The following CYP51A1 variants were observed in gnomAD, a reference collection of about 807,000 sequenced individuals.
CYP51A1 encodes the protein cytochrome P450 family 51 subfamily A member 1, also known as lanosterol 14-alpha demethylase.
In CYP51A1, 45 loss-of-function variants were observed where a neutral mutation model predicts 53.5. The ratio of observed to expected loss-of-function variants is 0.84; its 90% CI spans 0.66 to 1.08. CYP51A1 has a LOEUF of 1.08. Ranked by LOEUF, CYP51A1 falls within the 50% of genes least tolerant of loss-of-function variation. The pLI is 0.00. For synonymous variants in CYP51A1, 181 were observed against 217.7 expected (o/e 0.83, Z 1.48); for missense variants, 462 against 621.7 (o/e 0.74, Z 2.73).
intron 9 of CYP51A1, among the ~76,000 whole-genome samples, chr7:92,115,061 G>A (rs1354395216): frequency 6.6e-6 from 1 of 152,176 alleles, no homozygotes; most frequent in Non-Finnish European, 1.5e-5. Flanking sequence ...CAAGCAAGAA[G>A]TATCCTAATT....
At chr7:92,128,040 G>A (rs932084331) in intron 3 of CYP51A1, among the ~76,000 whole-genome samples, 20 of 152,276 alleles carry the variant, frequency 1.3e-4, no homozygotes, top group Admixed American at 8.5e-4. Context: ...AAACAATTTC[G>A]TATTTGGCTT....
Position 92,113,667 on chromosome 7 carries a change from A to T in CYP51A1, c.1528T>A (p.Ter510ArgextTer30). ...ATATTCGTTCCTTGCAACCTTTTTC[A>T]TTTTGATCTTCGTTTGTAACGGATA... ...PVIRYKRRSK[*>R] Residue 510 changes from the stop codon to arginine (R), a stop_lost, in exon 10 of 10, where the codon TGA becomes AGA. Transcript: ENST00000003100. The T allele has an allele frequency of 6.2e-7, 1 of 1,610,916 alleles. No individual in the cohort carries two copies.
chr7:92,120,499 G>A (rs1329547023), intron 7 of CYP51A1, among the ~76,000 whole-genome samples: 1 of 152,144 alleles, frequency 6.6e-6, no homozygotes, highest in Non-Finnish European at 1.5e-5. Flanking sequence ...TGTTGCCCAG[G>A]CTGGACCCCA....
chr7:92,128,464 G>C (rs555422123), intron 3 of CYP51A1, among the ~76,000 whole-genome samples: 1 of 111,602 alleles, frequency 9.0e-6, no homozygotes, highest in African/African-American at 3.5e-5. Context: ...GTGCGCGTGC[G>C]TGTGTGTGTG....
At chr7:92,115,918 C>T (rs749818626) in intron 9 of CYP51A1, among the ~76,000 whole-genome samples, 9 of 152,302 alleles carry the variant, frequency 5.9e-5, no homozygotes, top group Middle Eastern at 3.4e-3. Context: ...AGTTTAGAAA[C>T]GATTCCTCTT....
At chr7:92,121,262 T>A (rs1431643218) in intron 7 of CYP51A1, among the ~76,000 whole-genome samples, 1 of 149,248 alleles carries the variant, frequency 6.7e-6, no homozygotes, top group Non-Finnish European at 1.5e-5. Flanking sequence ...AGCCTGGGCA[T>A]CACACCAAGA....
intron 8 of CYP51A1, among the ~76,000 whole-genome samples, chr7:92,117,795 C>G (rs1275890974): frequency 6.6e-6 from 1 of 152,054 alleles, no homozygotes; most frequent in Admixed American, 6.6e-5. Flanking sequence ...CGAGATCAGC[C>G]TGACCAACAT....
intron 2 of CYP51A1, among the ~76,000 whole-genome samples, chr7:92,129,301 G>A (rs1030582085): frequency 6.6e-6 from 1 of 151,892 alleles, no homozygotes; most frequent in African/African-American, 2.4e-5. Context: ...TATTGACAAT[G>A]TTTTCTATTG....
Position 92,131,767 on chromosome 7 carries a change from G to T in CYP51A1, c.291+7C>A. ...TTTTTTTTCCTCTAATTATTTGGAA[G>T]ACTTACCTTCTCATATGCATTTTCT... On this transcript the variant is annotated splice_region_variant and intron_variant, in intron 2 of 9. Transcript: ENST00000003100. The T allele has an allele frequency of 7.0e-6, 9 of 1,283,026 alleles. No homozygotes were observed. The highest frequency in any genetic ancestry group is 9.8e-6 in the Non-Finnish European group (9 of 917,144). The allele number at this position is 1,283,026 out of a possible 1,614,324, so 79.5% of individuals were successfully genotyped here.
intron 2 of CYP51A1, among the ~76,000 whole-genome samples, chr7:92,130,788 T>C (rs945177588): frequency 6.6e-6 from 1 of 152,220 alleles, no homozygotes; most frequent in South Asian, 2.1e-4. Flanking sequence ...TCATCTGCTT[T>C]GATGGAGAGG....
chr7:92,121,414 A>C (rs192504355), intron 7 of CYP51A1, among the ~76,000 whole-genome samples: 1 of 152,196 alleles, frequency 6.6e-6, no homozygotes, highest in African/African-American at 2.4e-5. Flanking sequence ...CCACTTTTTA[A>C]AACAGTCTGG....
At chr7:92,132,606 C>T (rs1251236122) in intron 1 of CYP51A1, among the ~76,000 whole-genome samples, 1 of 152,110 alleles carries the variant, frequency 6.6e-6, no homozygotes, top group East Asian at 1.9e-4. Context: ...CAATTTTAGT[C>T]CCAGATACTT....
rs1260803309 is a variant in CYP51A1, at chr7:92,126,325, T to C, written c.698A>G (p.Tyr233Cys). 6.2e-7 allele frequency: 1 copy of C among 1,612,692 alleles called. No individual in the cohort carries two copies. The highest frequency in any genetic ancestry group is 8.5e-7 in the Non-Finnish European group (1 of 1,179,666). ...SQLNEKVAQL[Y>C]ADLDGGFSHA... ...GCTGAAACCTCCATCCAAATCTGCA[T>C]ACAGCTGTGCTACCTTTTCATTGAG... is the stretch of plus-strand genomic sequence containing the variant. The change falls in exon 5 of 10, where the codon TAT becomes TGT. Residue 233 changes from tyrosine (Y) to cysteine (C), a missense_variant. By Grantham distance (194) the Tyr-to-Cys change is radical. Coordinates refer to ENST00000003100, the MANE Select transcript of CYP51A1 (RefSeq NM_000786.4).
chr7:92,120,560 T>TA (rs1819670582), intron 7 of CYP51A1, among the ~76,000 whole-genome samples: 1 of 152,200 alleles, frequency 6.6e-6, no homozygotes, highest in African/African-American at 2.4e-5. Context: ...TAGCTGAGAA[T>TA]ACAGGCACGT....
At chr7:92,119,516 C>T (rs1819644050) in intron 7 of CYP51A1, among the ~76,000 whole-genome samples, 1 of 152,052 alleles carries the variant, frequency 6.6e-6, no homozygotes, top group Admixed American at 6.6e-5. Context: ...TAGATGCCCA[C>T]TAAAGTAAGC....
At chr7:92,128,461 T>TGTGTGTGTGTGTGC (rs1563181258) in intron 3 of CYP51A1, among the ~76,000 whole-genome samples, 13 of 137,462 alleles carry the variant, frequency 9.5e-5, no homozygotes, top group African/African-American at 3.7e-4. Context: ...TGTGTGCGCG[T>TGTGTGTGTGTGTGC]GCGTGTGTGT....
Position 92,117,081 on chromosome 7 carries a change from T to C in CYP51A1, c.1314A>G (p.Ala438=), listed in dbSNP as rs146733585. The C allele has an allele frequency of 3.7e-6, 6 of 1,613,768 alleles. No homozygotes were observed. The highest frequency in any genetic ancestry group is 4.2e-6 in the Non-Finnish European group (5 of 1,179,940). The change falls in exon 9 of 10, where the codon GCA becomes GCG. Residue 438 remains alanine, a synonymous_variant. Transcript: ENST00000003100. ...GCACATAGGCAAACTTTTCCCCTGATGCTGGGTTATCCTGTAAGTAGCGAT... is the reference window on the plus strand; with the variant it reads ...GCACATAGGCAAACTTTTCCCCTGACGCTGGGTTATCCTGTAAGTAGCGAT... ...NPDRYLQDNP[A]SGEKFAYVPF... is the part of the protein sequence containing the mutation.
rs1170436295 is a variant in CYP51A1, at chr7:92,112,645, TA to T, written c.*1019del. ...GAGTTCAAGACCAGCCTAGCCAACA[TA>T]GTGAAACCCCCGTCTCTACTAAAAA... On this transcript the variant is annotated 3_prime_UTR_variant, in exon 10 of 10. Coordinates refer to ENST00000003100, the MANE Select transcript of CYP51A1 (RefSeq NM_000786.4). 6.6e-6 allele frequency: 1 copy of T among 151,886 alleles called. No individual in the cohort carries two copies. The highest frequency in any genetic ancestry group is 2.4e-5 in the African/African-American group (1 of 41,336). 9.4% of individuals were successfully genotyped at this position (151,886 alleles called of 1,614,324 possible).
chr7:92,132,075 G>GA (rs1367194584), intron 1 of CYP51A1, among the ~76,000 whole-genome samples: 1 of 151,848 alleles, frequency 6.6e-6, no homozygotes, highest in Non-Finnish European at 1.5e-5. Flanking sequence ...GAAAAGAACA[G>GA]AAACTCAAAA....
Sources: allele counts gnomAD v4.1 joint callset (sites outside exome capture counted in the v4.1 genomes callset), GRCh38; gene constraint gnomAD v4.1.1; transcripts MANE v1.5; gene names NCBI Gene and HGNC (gene_info 2026-07-23, HGNC 2026-07-21).